Variants in MVP observed in about 807,000 individuals in gnomAD.
MVP encodes the protein lung resistance-related protein.
Under a neutral mutation model 83.5 loss-of-function variants are expected in MVP, and 62 were observed. The ratio of observed to expected loss-of-function variants is 0.74; its 90% CI spans 0.61 to 0.92. The LOEUF is 0.92. Ranked by LOEUF, MVP falls within the 40% of genes least tolerant of loss-of-function variation. The pLI, the probability that MVP is intolerant of heterozygous loss-of-function variation, is 0.00. For missense variants in MVP, 1,000 were observed against 1,203.4 expected, an observed-to-expected ratio of 0.83 and a Z score of 2.50; for synonymous variants, 505 against 504.1, an observed-to-expected ratio of 1.00 and a Z score of -0.02.
At chr16:29,832,249 C>A (rs1027202664) in intron 3 of MVP, among the ~76,000 whole-genome samples, 7 of 150,874 alleles carry the variant, frequency 4.6e-5, no homozygotes, top group African/African-American at 7.3e-5. Context: ...AAGACAATAA[C>A]CCTTAAGGAA....
At position 29,844,528 on chromosome 16, in the gene MVP, A is replaced by T. The variant is rs774961106; in HGVS notation, c.1670A>T (p.Glu557Val). 5 of 1,563,300 alleles carry T rather than the reference A, an allele frequency of 3.2e-6. No homozygotes were observed. The highest frequency in any genetic ancestry group is 4.3e-6 in the Non-Finnish European group (5 of 1,153,716). Residue 557 changes from glutamate (E) to valine (V), a missense_variant, in exon 11 of 15, where the codon GAG becomes GTG. Coordinates refer to ENST00000357402, the MANE Select transcript of MVP (RefSeq NM_005115.5). ...FEVNDRKDPQ[E>V]TAKLFSVPDF... ...GTGAATGACCGGAAGGACCCCCAAG[A>T]GACGGCCAAGCTCTTTTCAGTGCCA...
At chr16:29,837,183 GGCTACCC>G (rs1370607169) in intron 7 of MVP, among the ~76,000 whole-genome samples, 1 of 152,184 alleles carries the variant, frequency 6.6e-6, no homozygotes, top group African/African-American at 2.4e-5. Context: ...AAGGCCTCCT[GGCTACCC>G]GCTGCCTGAG....
intron 13 of MVP, among the ~76,000 whole-genome samples, chr16:29,846,645 G>A (rs1235208336): frequency 1.3e-5 from 2 of 152,192 alleles, no homozygotes; most frequent in Non-Finnish European, 2.9e-5. Flanking sequence ...ATCACCTGAG[G>A]TCAGGAGTTC....
Position 29,831,037 on chromosome 16 carries a change from C to A in MVP, c.285C>A (p.Asp95Glu), listed in dbSNP as rs2067438139. Residue 95 changes from aspartate (D) to glutamate (E), a missense_variant, in exon 3 of 15, where the codon GAC (aspartate) becomes GAA (glutamate). Physicochemically the swap from Asp to Glu is conservative, Grantham distance 45 (BLOSUM62 2). Transcript: ENST00000357402. Reference sequence around the variant, plus strand: ...ACCTCGAGATCCGGCTGGCCCAGGACCCCTTCCCCCTGTACCCAGGGGAGG... The same window carrying A: ...ACCTCGAGATCCGGCTGGCCCAGGAACCCTTCCCCCTGTACCCAGGGGAGG... ...HADLEIRLAQDPFPLYPGEVL... is the reference protein window; with the variant it reads ...HADLEIRLAQEPFPLYPGEVL... The A allele has an allele frequency of 2.5e-5, 40 of 1,613,466 alleles. No homozygotes were observed. The highest frequency in any genetic ancestry group is 3.4e-5 in the Non-Finnish European group (40 of 1,179,996).
chr16:29,842,274 G>A (rs543131526), intron 10 of MVP, among the ~76,000 whole-genome samples, 162 bp downstream of exon 10: 4 of 152,082 alleles, frequency 2.6e-5, no homozygotes, highest in Non-Finnish European at 5.9e-5. Flanking sequence ...CTGTTTCTTT[G>A]TTTTTTGTTT....
intron 2 of MVP, 73 bp downstream of exon 2, chr16:29,830,747 ATCC>A (rs2067435207): frequency 1.9e-6 from 3 of 1,588,682 alleles, no homozygotes; most frequent in South Asian, 1.1e-5. Context: ...GATGGTCCTT[ATCC>A]TCCTCCCTCT....
At chr16:29,823,122 C>CTTTTTTTTTTTTTTTTTT (rs66512916) in intron 1 of MVP, among the ~76,000 whole-genome samples, 12 of 98,484 alleles carry the variant, frequency 1.2e-4, no homozygotes, top group Non-Finnish European at 1.9e-4. Flanking sequence ...CTTTTCTTTT[C>CTTTTTTTTTTTTTTTTTT]TTTTTTTTTT....
Position 29,840,297 on chromosome 16 carries a change from G to A in MVP, c.1029G>A (p.Gly343=), listed in dbSNP as rs1351732768. ...GGGCCCTGCAGCCCCTGGAGGAGGGGGAGGATGAGGAGAAGGTCTCACACC... is the reference window on the plus strand; with the variant it reads ...GGGCCCTGCAGCCCCTGGAGGAGGGAGAGGATGAGGAGAAGGTCTCACACC... ...LLRALQPLEE[G]EDEEKVSHQA... is the part of the protein sequence containing the mutation. The change falls in exon 8 of 15, where the codon GGG becomes GGA. Residue 343 remains glycine, a synonymous_variant. Coordinates refer to ENST00000357402, the MANE Select transcript of MVP (RefSeq NM_005115.5). The A allele has an allele frequency of 6.2e-7, 1 of 1,613,528 alleles. No individual in the cohort carries two copies. Among genetic ancestry groups the A allele is most frequent in the South Asian group, 1.1e-5 (1 of 91,042 alleles).
intron 13 of MVP, 137 bp from the exon 14 acceptor site, chr16:29,847,060 C>T (rs2067591025): frequency 3.3e-6 from 3 of 911,570 alleles, no homozygotes; most frequent in East Asian, 2.5e-5. Flanking sequence ...TGTGGTGGCA[C>T]ATGCCTGTAG....
At chr16:29,843,372 A>G (rs1254457426) in intron 10 of MVP, among the ~76,000 whole-genome samples, 2 of 150,892 alleles carry the variant, frequency 1.3e-5, no homozygotes, top group African/African-American at 2.4e-5. Context: ...GTACATGTCT[A>G]TAGACCCAAC....
At chr16:29,832,748 C>A (rs965924575) in intron 3 of MVP, among the ~76,000 whole-genome samples, 1 of 151,778 alleles carries the variant, frequency 6.6e-6, no homozygotes, top group Non-Finnish European at 1.5e-5. Flanking sequence ...TGTGAGCCAC[C>A]AAGCCCTGCC....
intron 1 of MVP, among the ~76,000 whole-genome samples, chr16:29,826,867 C>T (rs1341078095): frequency 1.6e-4 from 23 of 140,750 alleles, no homozygotes; most frequent in African/African-American, 5.6e-4. Context: ...GCGGAGGTTG[C>T]GGTGAGCCGA....
At chr16:29,845,669 G>A (rs904585307) in intron 11 of MVP, among the ~76,000 whole-genome samples, 194 bp from the exon 12 acceptor site, 4 of 152,196 alleles carry the variant, frequency 2.6e-5, no homozygotes, top group African/African-American at 7.2e-5. Flanking sequence ...CCGCAGTCAC[G>A]CCTGCATTTG....
intron 13 of MVP, 21 bp from the exon 14 acceptor site, chr16:29,847,169 AAAGAATG>A: frequency 6.2e-7 from 1 of 1,607,788 alleles, no homozygotes. Flanking sequence ...GTCAAAAAAT[AAAGAATG>A]ATTGATTTTT....
Position 29,845,873 on chromosome 16 carries a change from CAG to C in MVP, c.2036_2037del (p.Arg679ThrfsTer10). The part of the protein sequence containing the change: ...SQEAAAKHEA[Q>X]RLEQEARGRL... ...CTCCGTCTCCTCCAGGCATGAGGCTCAGAGACTGGAGCAGGAAGCCCGCGGCC... is the reference window on the plus strand; with the variant it reads ...CTCCGTCTCCTCCAGGCATGAGGCTCAGACTGGAGCAGGAAGCCCGCGGCC... On this transcript the variant is annotated frameshift_variant, in exon 12 of 15. Transcript: ENST00000357402. LOFTEE classifies it high-confidence loss of function. 6.2e-7 allele frequency: 1 copy of C among 1,613,934 alleles called. No individual in the cohort carries two copies. Among genetic ancestry groups the C allele is most frequent in the Non-Finnish European group, 8.5e-7 (1 of 1,179,862 alleles).
At position 29,844,757 on chromosome 16, in the gene MVP, G is replaced by A. The variant is rs2067569179; in HGVS notation, c.1899G>A (p.Leu633=). ...RDQAVFPQNG[L]VVSSVDVQSV... ...AGGCTGTCTTCCCCCAAAACGGGCTGGTGGTCAGCAGTGTGGACGTGCAGT... is the reference window on the plus strand; with the variant it reads ...AGGCTGTCTTCCCCCAAAACGGGCTAGTGGTCAGCAGTGTGGACGTGCAGT... Residue 633 remains leucine, a synonymous_variant, in exon 11 of 15, where the codon CTG becomes CTA. Coordinates refer to ENST00000357402, the MANE Select transcript of MVP (RefSeq NM_005115.5). The A allele has an allele frequency of 6.2e-7, 1 of 1,611,950 alleles. No homozygotes were observed. The highest frequency in any genetic ancestry group is 1.3e-5 in the African/African-American group (1 of 74,948).
intron 1 of MVP, among the ~76,000 whole-genome samples, chr16:29,828,888 A>AAAAGTTG (rs1362789429): frequency 6.6e-6 from 1 of 152,118 alleles, no homozygotes; most frequent in Non-Finnish European, 1.5e-5. Flanking sequence ...TTTCTAAACA[A>AAAAGTTG]AAAGTTGAAG....
intron 10 of MVP, among the ~76,000 whole-genome samples, chr16:29,843,380 A>G (rs2067550248): frequency 6.6e-6 from 1 of 150,944 alleles, no homozygotes; most frequent in South Asian, 2.1e-4. Context: ...CTATAGACCC[A>G]ACTACTTGGA....
chr16:29,847,107 T>A, intron 13 of MVP, 90 bp from the exon 14 acceptor site: 1 of 1,402,642 alleles, frequency 7.1e-7, no homozygotes, highest in Non-Finnish European at 9.8e-7. Context: ...GGAGGATCCT[T>A]TGAGCCAGGA....
Sources: gnomAD v4.1 joint callset for allele counts (sites outside exome capture counted in the v4.1 genomes callset) on GRCh38, gnomAD v4.1.1 for gene constraint, MANE v1.5 for transcripts, NCBI Gene and HGNC (gene_info 2026-07-23, HGNC 2026-07-21) for gene names.